PDS5B: variants seen among roughly 807,000 people sequenced by gnomAD.
The protein encoded by PDS5B is PDS5 cohesin associated factor B, also known as sister chromatid cohesion protein PDS5 homolog B.
Under a neutral mutation model 184.1 loss-of-function variants are expected in PDS5B, and 51 were observed. The ratio of observed to expected loss-of-function variants is 0.28; its 90% confidence interval spans 0.22 to 0.35. The LOEUF is 0.35. Ranked by LOEUF, PDS5B falls within the 10% of genes least tolerant of loss-of-function variation. The pLI is 1.00. For missense variants in PDS5B, 1,180 were observed against 1,723.3 expected (o/e 0.68, Z 5.58); for synonymous variants, 566 against 569.2 (o/e 0.99, Z 0.08).
At chr13:32,735,592 T>G (rs1036152541) in intron 21 of PDS5B, among the ~76,000 whole-genome samples, 1 of 152,190 alleles carries the variant, frequency 6.6e-6, no homozygotes, top group African/African-American at 2.4e-5. Flanking sequence ...TATTTCAGAT[T>G]TACAGGGGTT....
At chr13:32,692,264 C>G (rs1375114877) in intron 13 of PDS5B, among the ~76,000 whole-genome samples, 1 of 151,870 alleles carries the variant, frequency 6.6e-6, no homozygotes, top group Non-Finnish European at 1.5e-5. Context: ...CCTAAGTAAA[C>G]TAAATATCTT....
At chr13:32,678,649 T>TAAC (rs2140786052) in intron 9 of PDS5B, among the ~76,000 whole-genome samples, 186 bp from the exon 10 acceptor site, 1 of 152,338 alleles carries the variant, frequency 6.6e-6, no homozygotes, top group East Asian at 1.9e-4. Flanking sequence ...CTAGTTTGTA[T>TAAC]AGAGTTTCCA....
intron 1 of PDS5B, among the ~76,000 whole-genome samples, chr13:32,619,710 G>A (rs776832346): frequency 9.2e-5 from 14 of 152,246 alleles, no homozygotes; most frequent in East Asian, 3.9e-4. Flanking sequence ...TGAGACCACC[G>A]TTATATATGG....
chr13:32,677,649 G>T (rs1183941449), intron 9 of PDS5B, among the ~76,000 whole-genome samples: 1 of 151,922 alleles, frequency 6.6e-6, no homozygotes, highest in Non-Finnish European at 1.5e-5. Context: ...TAACTTTTGG[G>T]AGGGGAGGTA....
chr13:32,735,248 T>G lies in PDS5B; in HGVS notation c.2324T>G (p.Leu775Arg). 6.2e-7 allele frequency: 1 copy of G among 1,612,072 alleles called. No individual in the cohort carries two copies. Among genetic ancestry groups the G allele is most frequent in the Non-Finnish European group, 8.5e-7 (1 of 1,178,352 alleles). Residue 775 changes from leucine to arginine, a missense_variant, in exon 21 of 35, where the codon CTC becomes CGC. Leu to Arg is a moderately radical substitution (Grantham distance 102, BLOSUM62 -2). Transcript: ENST00000315596. ...TTGGTTACTATTGGTCATATTGCTC[T>G]CCTTGCACCTGATCAATTTGCTGCT... The part of the protein sequence containing the change: ...TPLVTIGHIA[L>R]LAPDQFAAPL...
intron 8 of PDS5B, among the ~76,000 whole-genome samples, chr13:32,674,050 A>G (rs1951005001): frequency 2.6e-5 from 4 of 152,054 alleles, no homozygotes; most frequent in South Asian, 2.1e-4. Flanking sequence ...CCTGACCTCA[A>G]GTAATCCACC....
chr13:32,659,117 C>T (rs765717996), intron 5 of PDS5B, 37 bp from the exon 6 acceptor site: 2 of 1,480,002 alleles, frequency 1.4e-6, no homozygotes, highest in Non-Finnish European at 9.1e-7. Context: ...CTGTATATCT[C>T]AGTTGTAATT....
intron 1 of PDS5B, among the ~76,000 whole-genome samples, chr13:32,622,118 T>TA (rs1449903029): frequency 1.3e-5 from 2 of 152,140 alleles, no homozygotes; most frequent in Non-Finnish European, 2.9e-5. Context: ...CTTTTTTATC[T>TA]TCTTTCTCTG....
At chr13:32,640,064 TA>T (rs752171743) in intron 1 of PDS5B, among the ~76,000 whole-genome samples, 46 of 152,358 alleles carry the variant, frequency 3.0e-4, no homozygotes, top group Middle Eastern at 6.8e-3. Context: ...ATATCTTACA[TA>T]TTTTTTACTA....
intron 1 of PDS5B, among the ~76,000 whole-genome samples, chr13:32,646,626 A>G (rs559629572): frequency 1.3e-4 from 20 of 151,190 alleles, no homozygotes; most frequent in African/African-American, 4.6e-4. Flanking sequence ...TTTGCATGAC[A>G]TAATTTTCCA....
intron 1 of PDS5B, among the ~76,000 whole-genome samples, chr13:32,596,853 T>C (rs571223164): frequency 1.3e-5 from 2 of 152,254 alleles, no homozygotes; most frequent in East Asian, 3.9e-4. Flanking sequence ...ACTATTGATA[T>C]GCAGGAATTC....
At chr13:32,762,080 G>A (rs1333304274) in intron 30 of PDS5B, among the ~76,000 whole-genome samples, 1 of 151,990 alleles carries the variant, frequency 6.6e-6, no homozygotes, top group Admixed American at 6.6e-5. Flanking sequence ...TTTTTTAATG[G>A]TTGGCCATTT....
In PDS5B at chr13:32,639,240, A is replaced by G. The variant is rs1020337068; in HGVS notation, c.-19-9514A>G. Reference sequence around the variant, plus strand: ...GGCTCCTTTTCTGTTTGAGCCAGTTAAACTTTAGTATCTTCCATAACATTG... The same window carrying G: ...GGCTCCTTTTCTGTTTGAGCCAGTTGAACTTTAGTATCTTCCATAACATTG... On this transcript the variant is annotated intron_variant, in intron 1 of 34. Transcript: ENST00000315596. 2.0e-5 allele frequency among the ~76,000 whole-genome samples: 3 copies of G among 152,284 alleles called. No homozygotes were observed. In the East Asian group the frequency reaches 5.8e-4, roughly 29 times the overall value.
intron 7 of PDS5B, 132 bp from the exon 8 acceptor site, chr13:32,673,084 G>A: frequency 1.3e-6 from 1 of 754,898 alleles, no homozygotes; most frequent in Non-Finnish European, 2.2e-6. Context: ...CCCATATAAT[G>A]TTAGAAAATA....
chr13:32,629,702 A>C (rs927976911), intron 1 of PDS5B, among the ~76,000 whole-genome samples: 1 of 152,108 alleles, frequency 6.6e-6, no homozygotes, highest in African/African-American at 2.4e-5. Context: ...TTTATAGTTT[A>C]TTTTTGAAAT....
chr13:32,620,148 T>G (rs1370255094), intron 1 of PDS5B, among the ~76,000 whole-genome samples: 1 of 152,160 alleles, frequency 6.6e-6, no homozygotes, highest in South Asian at 2.1e-4. Flanking sequence ...TTGTTTAAAA[T>G]TACATTTTCA....
intron 1 of PDS5B, among the ~76,000 whole-genome samples, chr13:32,587,003 T>TCGCCGCCGC (rs1176659377): frequency 8.4e-6 from 1 of 119,034 alleles, no homozygotes; most frequent in Non-Finnish European, 1.8e-5. Context: ...GCCGCCGCCG[T>TCGCCGCCGC]CGCCGCCGCC....
intron 16 of PDS5B, chr13:32,700,948 T>C (rs1282535717): frequency 6.3e-6 from 1 of 159,222 alleles, no homozygotes; most frequent in African/African-American, 2.4e-5. Flanking sequence ...AACAAGCTCT[T>C]CTGATAATTT....
chr13:32,761,491 C>A (rs1954395191), intron 30 of PDS5B, among the ~76,000 whole-genome samples: 1 of 152,060 alleles, frequency 6.6e-6, no homozygotes, highest in Admixed American at 6.6e-5. Flanking sequence ...CCCCAGTAGT[C>A]CGCATTGTCT....
Sources: gnomAD v4.1 joint callset for allele counts (sites outside exome capture counted in the v4.1 genomes callset) on GRCh38, gnomAD v4.1.1 for gene constraint, MANE v1.5 for transcripts, NCBI Gene and HGNC (gene_info 2026-07-23, HGNC 2026-07-21) for gene names.